Variants in PTPRD observed in about 807,000 individuals in gnomAD.
The protein encoded by PTPRD is protein tyrosine phosphatase receptor type D, also known as receptor-type tyrosine-protein phosphatase delta.
In PTPRD, 34 loss-of-function variants were observed where a neutral mutation model predicts 214.5. The observed-to-expected ratio is 0.16, with a 90% CI of 0.12 to 0.21. PTPRD has a LOEUF of 0.21. Ranked by LOEUF, PTPRD falls within the 10% of genes least tolerant of loss-of-function variation. The pLI, the probability that PTPRD is intolerant of heterozygous loss-of-function variation, is 1.00. For missense variants in PTPRD, 2,545 were observed against 2,398.7 expected (o/e 1.06, Z -1.27); for synonymous variants, 1,128 against 845.7 (o/e 1.33, Z -5.79).
At chr9:9,920,243 G>A (rs376763830) in intron 5 of PTPRD, among the ~76,000 whole-genome samples, 1 of 152,062 alleles carries the variant, frequency 6.6e-6, no homozygotes, top group Non-Finnish European at 1.5e-5. Flanking sequence ...TCAGCTTTTT[G>A]TGGTCTGGAT....
chr9:9,978,506 C>G (rs140996226), intron 4 of PTPRD, among the ~76,000 whole-genome samples: 1 of 151,490 alleles, frequency 6.6e-6, no homozygotes. Context: ...AACTGAAACA[C>G]GGAAATAAAT....
intron 12 of PTPRD, among the ~76,000 whole-genome samples, chr9:8,702,110 C>T (rs982021042): frequency 4.6e-5 from 7 of 152,066 alleles, no homozygotes; most frequent in Non-Finnish European, 1.5e-5. Context: ...CTTTTTGTAG[C>T]TTTTGTTCTC....
intron 11 of PTPRD, among the ~76,000 whole-genome samples, chr9:9,016,106 A>G (rs2099533993): frequency 6.6e-6 from 1 of 152,242 alleles, no homozygotes; most frequent in Admixed American, 6.5e-5. Flanking sequence ...AGCTTGTCCA[A>G]GGCACAACTC....
chr9:9,692,838 T>A (rs1250703730), intron 7 of PTPRD, among the ~76,000 whole-genome samples: 1 of 151,902 alleles, frequency 6.6e-6, no homozygotes, highest in East Asian at 1.9e-4. Context: ...ACTGTAGAGA[T>A]GTTTTACCTC....
intron 8 of PTPRD, among the ~76,000 whole-genome samples, chr9:9,573,747 A>G (rs2087380529): frequency 6.6e-6 from 1 of 151,812 alleles, no homozygotes; most frequent in South Asian, 2.1e-4. Flanking sequence ...GAGCAGAGGA[A>G]TTTCACTTTC....
intron 3 of PTPRD, among the ~76,000 whole-genome samples, chr9:10,210,198 A>C (rs2099508979): frequency 6.6e-6 from 1 of 152,190 alleles, no homozygotes. Flanking sequence ...TACCATGTGC[A>C]ACTTACATTA....
chr9:10,109,621 T>A (rs957986301), intron 3 of PTPRD, among the ~76,000 whole-genome samples: 1 of 152,202 alleles, frequency 6.6e-6, no homozygotes, highest in Non-Finnish European at 1.5e-5. Context: ...ACTATTATTA[T>A]GTTCATCTTC....
chr9:9,876,764 T>C (rs1464894733), intron 5 of PTPRD, among the ~76,000 whole-genome samples: 1 of 152,188 alleles, frequency 6.6e-6, no homozygotes, highest in Admixed American at 6.6e-5. Flanking sequence ...CACTATGTTA[T>C]GTTATTGTGG....
chr9:10,563,413 G>A (rs113459634), intron 2 of PTPRD, among the ~76,000 whole-genome samples: 1 of 152,110 alleles, frequency 6.6e-6, no homozygotes, highest in African/African-American at 2.4e-5. Context: ...TTGTGACACA[G>A]GCACAGATGT....
chr9:9,197,617 G>T (rs970040365), intron 9 of PTPRD, among the ~76,000 whole-genome samples: 4 of 152,086 alleles, frequency 2.6e-5, no homozygotes, highest in African/African-American at 9.7e-5. Context: ...CACCATGTTG[G>T]CCAGGCTGGT....
At chr9:10,496,222 TG>T (rs1292502477) in intron 2 of PTPRD, among the ~76,000 whole-genome samples, 5 of 152,004 alleles carry the variant, frequency 3.3e-5, no homozygotes, top group Admixed American at 2.6e-4. Context: ...TTCGAATTTT[TG>T]TAAGAGCACT....
At chr9:9,984,099 AATC>A (rs1410198283) in intron 4 of PTPRD, among the ~76,000 whole-genome samples, 1 of 152,140 alleles carries the variant, frequency 6.6e-6, no homozygotes, top group Non-Finnish European at 1.5e-5. Flanking sequence ...CATTTTAAAA[AATC>A]ATGATTATTA....
chr9:8,354,431 A>G (rs1026660555), intron 39 of PTPRD, among the ~76,000 whole-genome samples: 3 of 152,232 alleles, frequency 2.0e-5, no homozygotes, highest in African/African-American at 7.2e-5. Flanking sequence ...TTTAAATAAT[A>G]GTAATGTTTC....
chr9:9,097,577 T>A (rs1266396272), intron 10 of PTPRD, among the ~76,000 whole-genome samples: 2 of 151,356 alleles, frequency 1.3e-5, no homozygotes, highest in Non-Finnish European at 2.9e-5. Flanking sequence ...CCAGGCTAAT[T>A]TTTTTTGTAT....
At chr9:9,565,384 C>T (rs952147545) in intron 8 of PTPRD, among the ~76,000 whole-genome samples, 1 of 151,542 alleles carries the variant, frequency 6.6e-6, no homozygotes, top group African/African-American at 2.4e-5. Context: ...TTTAAAATTG[C>T]AAAAAATTGC....
chr9:9,692,742 G>A (rs1421435569), intron 7 of PTPRD, among the ~76,000 whole-genome samples: 1 of 151,504 alleles, frequency 6.6e-6, no homozygotes. Context: ...CAACAATACT[G>A]ATTCTTCCAA....
intron 9 of PTPRD, among the ~76,000 whole-genome samples, chr9:9,348,039 T>G (rs1569567583): frequency 6.6e-6 from 1 of 152,160 alleles, no homozygotes; most frequent in Non-Finnish European, 1.5e-5. Flanking sequence ...ATTCATCTAC[T>G]TTGTTTAAAA....
At chr9:10,494,819 G>A (rs13296350) in intron 2 of PTPRD, among the ~76,000 whole-genome samples, 1 of 151,058 alleles carries the variant, frequency 6.6e-6, no homozygotes, top group African/African-American at 2.4e-5. Context: ...AGATAGAATT[G>A]TTTTGATATA....
intron 7 of PTPRD, among the ~76,000 whole-genome samples, chr9:9,608,425 C>A (rs1198549670): frequency 6.6e-6 from 1 of 152,090 alleles, no homozygotes; most frequent in African/African-American, 2.4e-5. Context: ...GGGAAAATTT[C>A]TATTCTTAAA....
Sources: allele counts gnomAD v4.1 joint callset (sites outside exome capture counted in the v4.1 genomes callset), GRCh38; gene constraint gnomAD v4.1.1; transcripts MANE v1.5; gene names NCBI Gene and HGNC (gene_info 2026-07-23, HGNC 2026-07-21).